The following ANXA9 variants were observed in gnomAD, a reference collection of about 807,000 sequenced individuals.
ANXA9 encodes the protein annexin A9, also known as annexin 31.
In ANXA9, 47 loss-of-function variants were observed where a neutral mutation model predicts 51.8. The ratio of observed to expected loss-of-function variants is 0.91; its 90% CI spans 0.72 to 1.16. The LOEUF (loss-of-function observed/expected upper bound fraction) is 1.16, where lower values mean the gene tolerates loss of function less well. Ranked by LOEUF, ANXA9 falls within the 50% of genes most tolerant of loss-of-function variation. The pLI, the probability that ANXA9 is intolerant of heterozygous loss-of-function variation, is 0.00. For synonymous variants in ANXA9, 154 were observed against 168.7 expected (o/e 0.91, Z 0.68); for missense variants, 361 against 424.7 (o/e 0.85, Z 1.32).
chr1:150,993,603 C>T (rs1671758257), intron 12 of ANXA9, among the ~76,000 whole-genome samples: 1 of 151,084 alleles, frequency 6.6e-6, no homozygotes, highest in African/African-American at 2.4e-5. Flanking sequence ...AGCCACCACA[C>T]CTGGCCTGTT....
intron 12 of ANXA9, among the ~76,000 whole-genome samples, chr1:150,990,554 G>T (rs1671670200): frequency 6.6e-6 from 1 of 152,076 alleles, no homozygotes; most frequent in African/African-American, 2.4e-5. Context: ...TTTCTAAAAA[G>T]GAAAAACTCG....
intron 9 of ANXA9, among the ~76,000 whole-genome samples, chr1:150,987,008 G>C (rs943859051): frequency 3.9e-5 from 6 of 152,134 alleles, no homozygotes; most frequent in African/African-American, 1.4e-4. Flanking sequence ...TGTAAGGGCA[G>C]AGCCCTCTCT....
intron 3 of ANXA9, 66 bp downstream of exon 3, chr1:150,983,246 G>A: frequency 3.7e-6 from 6 of 1,602,246 alleles, no homozygotes; most frequent in Non-Finnish European, 5.1e-6. Flanking sequence ...GAGGATGGGA[G>A]GCAGGAAAGT....
At chr1:150,986,552 A>G (rs200609452) in intron 8 of ANXA9, 50 bp from the exon 9 acceptor site, 3 of 1,601,166 alleles carry the variant, frequency 1.9e-6, no homozygotes, top group Non-Finnish European at 8.6e-7. Context: ...TGGTCTGAAG[A>G]TAAAAAGGTG....
chr1:150,988,493 G>A, intron 12 of ANXA9, 152 bp downstream of exon 12: 1 of 954,892 alleles, frequency 1.0e-6, no homozygotes, highest in African/African-American at 1.6e-5. Flanking sequence ...TTACACAGGG[G>A]TGGAGGAATG....
At chr1:150,979,029 T>C (rs978071268), upstream of ANXA9, among the ~76,000 whole-genome samples, 1 of 151,910 alleles carries the variant, frequency 6.6e-6, no homozygotes, top group African/African-American at 2.4e-5. Flanking sequence ...TCTGCAATTC[T>C]AAAATGTACA....
upstream of ANXA9, among the ~76,000 whole-genome samples, chr1:150,979,184 C>G (rs1210647790): frequency 6.0e-5 from 9 of 151,216 alleles, no homozygotes; most frequent in South Asian, 2.2e-4. Flanking sequence ...ACACTCCTCA[C>G]AGGCAAGGAC....
chr1:150,978,533 C>G (rs1263818249), upstream of ANXA9, among the ~76,000 whole-genome samples: 1 of 152,180 alleles, frequency 6.6e-6, no homozygotes, highest in African/African-American at 2.4e-5. Flanking sequence ...CTGTATTCCA[C>G]TGAGAGGGAG....
intron 4 of ANXA9, 59 bp from the exon 5 acceptor site, chr1:150,983,916 G>A: frequency 3.9e-6 from 6 of 1,542,918 alleles, no homozygotes; most frequent in South Asian, 1.2e-5. Context: ...CCTCCAAGGA[G>A]TAGGAACATC....
Position 150,987,916 on chromosome 1 carries a change from C to G in ANXA9, c.657C>G (p.Val219=). The G allele has an allele frequency of 6.2e-7, 1 of 1,614,096 alleles. No homozygotes were observed. Among genetic ancestry groups the G allele is most frequent in the Non-Finnish European group, 8.5e-7 (1 of 1,180,016 alleles). The change falls in exon 10 of 14, where the codon GTC becomes GTG. Residue 219 remains valine, a synonymous_variant. Coordinates refer to ENST00000368947, the MANE Select transcript of ANXA9 (RefSeq NM_003568.3). ...GACCTAGCAGAGAGGAAACATGGGTCCCAGTCTTCACCCAGCGAAATCCTG... is the reference window on the plus strand; with the variant it reads ...GACCTAGCAGAGAGGAAACATGGGTGCCAGTCTTCACCCAGCGAAATCCTG... The part of the protein sequence containing the change: ...AEGPSREETW[V]PVFTQRNPEH...
intron 12 of ANXA9, among the ~76,000 whole-genome samples, chr1:150,989,546 C>G (rs1230570828): frequency 6.6e-6 from 1 of 151,934 alleles, no homozygotes; most frequent in East Asian, 2.0e-4. Flanking sequence ...CAAAAATTAG[C>G]CAGGCATGGT....
chr1:150,995,378 C>A lies in ANXA9; in HGVS notation c.*56C>A. 2 of 1,544,686 alleles carry A rather than the reference C, an allele frequency of 1.3e-6. No individual in the cohort carries two copies. On this transcript the variant is annotated 3_prime_UTR_variant, in exon 14 of 14. Transcript: ENST00000368947. Reference sequence around the variant, plus strand: ...GAGGATCTGAGATTTCCGTGTTTGGCTGAACCTGGGAGACCAGCTGGGCCT... The same window carrying A: ...GAGGATCTGAGATTTCCGTGTTTGGATGAACCTGGGAGACCAGCTGGGCCT...
intron 12 of ANXA9, among the ~76,000 whole-genome samples, chr1:150,989,230 C>T (rs1195303626): frequency 6.6e-6 from 1 of 151,822 alleles, no homozygotes. Flanking sequence ...CAACCTGTCT[C>T]GGCCTCCCGA....
At chr1:150,989,497 C>A (rs1571693156) in intron 12 of ANXA9, among the ~76,000 whole-genome samples, 1 of 151,948 alleles carries the variant, frequency 6.6e-6, no homozygotes, top group African/African-American at 2.4e-5. Context: ...TCGAGACCAG[C>A]CTGGCCAACG....
intron 8 of ANXA9, 87 bp from the exon 9 acceptor site, chr1:150,986,511 AGGGC>A: frequency 6.4e-7 from 1 of 1,574,040 alleles, no homozygotes; most frequent in Non-Finnish European, 8.7e-7. Flanking sequence ...TGGACAAGAG[AGGGC>A]TTTAGGGGAG....
rs1438086489 is a variant in ANXA9 at position 150,983,115 on chromosome 1, A to G, written c.10A>G (p.Thr4Ala). 3 of 1,613,806 alleles carry G rather than the reference A, an allele frequency of 1.9e-6. No individual in the cohort carries two copies. Among genetic ancestry groups the G allele is most frequent in the Non-Finnish European group, 2.5e-6 (3 of 1,179,922 alleles). ...GGCAACCAGTAGCACCATGTCTGTGACTGGCGGGAAGATGGCACCGTCCCT... is the reference window on the plus strand; with the variant it reads ...GGCAACCAGTAGCACCATGTCTGTGGCTGGCGGGAAGATGGCACCGTCCCT... MSVTGGKMAPSLTQ... is the reference protein window; with the variant it reads MSVAGGKMAPSLTQ... The change falls in exon 3 of 14, where the codon ACT (threonine) becomes GCT (alanine). Residue 4 changes from threonine (T) to alanine (A), a missense_variant. Coordinates refer to ENST00000368947, the MANE Select transcript of ANXA9 (RefSeq NM_003568.3).
chr1:150,986,050 A>C (rs1016218007), intron 7 of ANXA9, among the ~76,000 whole-genome samples: 1 of 151,942 alleles, frequency 6.6e-6, no homozygotes, highest in African/African-American at 2.4e-5. Flanking sequence ...GGGTTTCCCT[A>C]GCTCTTCTTC....
rs774931541 is a variant in ANXA9 at position 150,986,325 on chromosome 1, C to T, written c.473-11C>T. On this transcript the variant is annotated splice_polypyrimidine_tract_variant and intron_variant, in intron 7 of 13. Coordinates refer to ENST00000368947, the MANE Select transcript of ANXA9 (RefSeq NM_003568.3). ...TCAGGAGGATTCAGAGAGCTCCTCA[C>T]CCCACCCCAGATTTCCAGGTGGAGG... 45 of 1,613,422 alleles carry T rather than the reference C, an allele frequency of 2.8e-5. No homozygotes were observed. The highest frequency in any genetic ancestry group is 3.8e-5 in the Non-Finnish European group (45 of 1,179,478).
In ANXA9 at chr1:150,983,422, AT is replaced by A. The variant is rs752077640; in HGVS notation, c.162del (p.Thr55LeufsTer14). The A allele has an allele frequency of 6.2e-7, 1 of 1,611,476 alleles. No homozygotes were observed. The highest frequency in any genetic ancestry group is 1.1e-5 in the South Asian group (1 of 90,482). On this transcript the variant is annotated frameshift_variant, in exon 4 of 14. Transcript: ENST00000368947. LOFTEE classifies it high-confidence loss of function. ...GGATGCGCAGAGGCTACTGAGGGCC[AT>A]TACTGGCCAAGGTGAGCCCCTTTCC... is the stretch of plus-strand genomic sequence containing the variant. ...DKDAQRLLRA[I>X]TGQGVDRSAI...
Sources: allele counts gnomAD v4.1 joint callset (sites outside exome capture counted in the v4.1 genomes callset), GRCh38; gene constraint gnomAD v4.1.1; transcripts MANE v1.5; gene names NCBI Gene and HGNC (gene_info 2026-07-23, HGNC 2026-07-21).